The following CACNA1C variants were observed in gnomAD, a reference collection of about 807,000 sequenced individuals.
CACNA1C encodes the protein voltage-dependent L-type calcium channel subunit alpha-1C.
In CACNA1C, 30 loss-of-function variants were observed where a neutral mutation model predicts 229.0. That is an observed-to-expected ratio of 0.13 (90% confidence interval 0.10 to 0.18). CACNA1C has a LOEUF of 0.18. Among genes scored for constraint, CACNA1C ranks in the 10% least tolerant of loss-of-function variants. The pLI, the probability that CACNA1C is intolerant of heterozygous loss-of-function variation, is 1.00. For missense variants in CACNA1C, 1,658 were observed against 2,845.0 expected, an observed-to-expected ratio of 0.58 and a Z score of 9.49; for synonymous variants, 1,114 against 1,132.5, an observed-to-expected ratio of 0.98 and a Z score of 0.33.
At chr12:2,353,449 G>C (rs762118481) in intron 3 of CACNA1C, among the ~76,000 whole-genome samples, 3 of 152,236 alleles carry the variant, frequency 2.0e-5, no homozygotes, top group Non-Finnish European at 4.4e-5. Flanking sequence ...AGGCGGCGCT[G>C]CCGCGCTCAG....
intron 3 of CACNA1C, among the ~76,000 whole-genome samples, chr12:2,338,848 C>G (rs188731405): frequency 4.6e-5 from 7 of 152,212 alleles, no homozygotes; most frequent in Admixed American, 4.6e-4. Context: ...TTTCCCCCAA[C>G]ACACCCCCAA....
intron 1 of CACNA1C, among the ~76,000 whole-genome samples, chr12:2,064,332 C>T (rs551365772): frequency 6.6e-6 from 1 of 152,214 alleles, no homozygotes; most frequent in Non-Finnish European, 1.5e-5. Flanking sequence ...GCACCCATGT[C>T]TGTGGCTAGA....
chr12:2,326,513 G>A (rs924502923), intron 3 of CACNA1C, among the ~76,000 whole-genome samples: 2 of 152,142 alleles, frequency 1.3e-5, no homozygotes, highest in Admixed American at 1.3e-4. Flanking sequence ...TCCTTTCCCT[G>A]GTAAAAGCAG....
At chr12:2,028,741 C>T (rs781106438) in intron 1 of CACNA1C, among the ~76,000 whole-genome samples, 1 of 152,074 alleles carries the variant, frequency 6.6e-6, no homozygotes, top group East Asian at 1.9e-4. Flanking sequence ...ATGCAGGGAA[C>T]CTTGTATAAG....
intron 3 of CACNA1C, among the ~76,000 whole-genome samples, chr12:2,338,864 G>T (rs1195814375): frequency 1.3e-5 from 2 of 152,032 alleles, no homozygotes; most frequent in Non-Finnish European, 2.9e-5. Context: ...CCCAAGTTGA[G>T]CTAGCATACC....
intron 5 of CACNA1C, among the ~76,000 whole-genome samples, chr12:2,484,312 G>T (rs2099688813): frequency 6.6e-6 from 1 of 152,168 alleles, no homozygotes; most frequent in East Asian, 1.9e-4. Flanking sequence ...CAGCATATGT[G>T]GTGGCCCTGT....
intron 3 of CACNA1C, among the ~76,000 whole-genome samples, chr12:2,277,663 C>T (rs575507321): frequency 6.6e-6 from 1 of 152,136 alleles, no homozygotes; most frequent in Non-Finnish European, 1.5e-5. Context: ...GGCTTGAGTC[C>T]TTCACCTCTG....
At position 2,688,565 on chromosome 12, in the gene CACNA1C, C is replaced by A. The variant is rs2153865329; in HGVS notation, c.5903C>A (p.Pro1968His). ...TPGSRGWPPQ[P>H]VPTLRLEGVE... ...GGCAGCCGAGGCTGGCCCCCACAGC[C>A]CGTCCCCACCCTGCGGCTTGAGGGG... Residue 1968 changes from proline (P) to histidine (H), a missense_variant, in exon 46 of 47, where the codon CCC (proline) becomes CAC (histidine). Pro to His is a moderately conservative substitution (Grantham distance 77, BLOSUM62 -2). Coordinates refer to ENST00000399655, the MANE Select transcript of CACNA1C (RefSeq NM_000719.7). 7 of 1,614,018 alleles carry A rather than the reference C, an allele frequency of 4.3e-6. No homozygotes were observed. The highest frequency in any genetic ancestry group is 5.9e-6 in the Non-Finnish European group (7 of 1,179,896).
intron 9 of CACNA1C, among the ~76,000 whole-genome samples, chr12:2,527,410 G>C (rs1407166228): frequency 1.3e-5 from 2 of 152,160 alleles, no homozygotes; most frequent in Non-Finnish European, 1.5e-5. Flanking sequence ...TTGCTTGACA[G>C]GCTAGCTTTA....
At chr12:2,296,585 A>G (rs1357268844) in intron 3 of CACNA1C, among the ~76,000 whole-genome samples, 1 of 152,130 alleles carries the variant, frequency 6.6e-6, no homozygotes, top group East Asian at 1.9e-4. Context: ...TGGGACCACC[A>G]CCACCTCCAC....
intron 1 of CACNA1C, among the ~76,000 whole-genome samples, chr12:2,010,435 C>T (rs2044211063): frequency 6.6e-6 from 1 of 152,116 alleles, no homozygotes; most frequent in Admixed American, 6.5e-5. Flanking sequence ...GTAACCTGTA[C>T]CTTTGAAAAA....
intron 5 of CACNA1C, among the ~76,000 whole-genome samples, chr12:2,469,136 G>A (rs1204120224): frequency 6.6e-6 from 1 of 152,122 alleles, no homozygotes; most frequent in Non-Finnish European, 1.5e-5. Flanking sequence ...GAATCACATC[G>A]GGAGGGGAAA....
intron 3 of CACNA1C, among the ~76,000 whole-genome samples, chr12:2,356,007 G>A (rs1354788032): frequency 6.6e-6 from 1 of 152,220 alleles, no homozygotes; most frequent in Non-Finnish European, 1.5e-5. Flanking sequence ...GAACCAGGGT[G>A]AGACATTGCA....
chr12:2,065,093 T>C (rs567095295), intron 1 of CACNA1C, among the ~76,000 whole-genome samples: 34 of 152,350 alleles, frequency 2.2e-4, no homozygotes, highest in African/African-American at 7.7e-4. Context: ...TCTGGGCCGC[T>C]GTGCAGAGCT....
At chr12:2,423,131 A>G (rs1009263184) in intron 3 of CACNA1C, among the ~76,000 whole-genome samples, 1 of 151,634 alleles carries the variant, frequency 6.6e-6, no homozygotes, top group Non-Finnish European at 1.5e-5. Flanking sequence ...TTCCAACCCT[A>G]GAATCGTGTG....
intron 1 of CACNA1C, among the ~76,000 whole-genome samples, chr12:2,113,685 C>G (rs1262989426): frequency 2.6e-5 from 4 of 152,198 alleles, no homozygotes; most frequent in Non-Finnish European, 4.4e-5. Flanking sequence ...TTTTCTTGAT[C>G]CTGCGGCACC....
At chr12:2,341,949 G>A (rs543985323) in intron 3 of CACNA1C, among the ~76,000 whole-genome samples, 23 of 152,290 alleles carry the variant, frequency 1.5e-4, no homozygotes, top group African/African-American at 5.3e-4. Flanking sequence ...TGATAGCCTC[G>A]GATTTGGGGA....
At chr12:2,059,097 T>C (rs1234865873) in intron 1 of CACNA1C, among the ~76,000 whole-genome samples, 1 of 152,172 alleles carries the variant, frequency 6.6e-6, no homozygotes, top group Non-Finnish European at 1.5e-5. Flanking sequence ...CGCAGGTCCC[T>C]GGAGAACCTT....
chr12:2,121,533 G>A (rs1007419842), intron 3 of CACNA1C, among the ~76,000 whole-genome samples: 53 of 152,234 alleles, frequency 3.5e-4, no homozygotes, highest in African/African-American at 1.2e-3. Flanking sequence ...TGCGGGCTGT[G>A]GTGTCTTGTG....
Sources: gnomAD v4.1 joint callset for allele counts (sites outside exome capture counted in the v4.1 genomes callset) on GRCh38, gnomAD v4.1.1 for gene constraint, MANE v1.5 for transcripts, NCBI Gene and HGNC (gene_info 2026-07-23, HGNC 2026-07-21) for gene names.